Variants in HDAC9 observed in about 807,000 individuals in gnomAD.
HDAC9 encodes MEF-2 interacting transcription repressor (MITR) protein.
In HDAC9, 41 loss-of-function variants were observed where a neutral mutation model predicts 139.4. The observed-to-expected ratio is 0.29, with a 90% CI of 0.23 to 0.38. The LOEUF (loss-of-function observed/expected upper bound fraction) is 0.38. Ranked by LOEUF, HDAC9 falls within the 10% of genes least tolerant of loss-of-function variation. The pLI, the probability that HDAC9 is intolerant of heterozygous loss-of-function variation, is 1.00. For synonymous variants in HDAC9, 517 were observed against 476.2 expected, an observed-to-expected ratio of 1.09 and a Z score of -1.12; for missense variants, 1,147 against 1,297.0, an observed-to-expected ratio of 0.88 and a Z score of 1.78.
At chr7:18,953,427 T>C (rs966085913) in intron 23 of HDAC9, among the ~76,000 whole-genome samples, 1 of 152,102 alleles carries the variant, frequency 6.6e-6, no homozygotes, top group Admixed American at 6.6e-5. Flanking sequence ...CTGTAAATTA[T>C]TTAAAGCTTC....
chr7:18,914,093 CAATT>C (rs1337262587), intron 22 of HDAC9, among the ~76,000 whole-genome samples: 1 of 151,750 alleles, frequency 6.6e-6, no homozygotes, highest in Non-Finnish European at 1.5e-5. Flanking sequence ...TTAGTGCCCT[CAATT>C]AAGAGGCCAT....
chr7:18,556,962 G>A (rs1409534372), intron 2 of HDAC9, among the ~76,000 whole-genome samples: 2 of 152,006 alleles, frequency 1.3e-5, no homozygotes, highest in Non-Finnish European at 2.9e-5. Context: ...TGTATGGCAA[G>A]TTCAGAAACC....
At chr7:18,556,753 G>T (rs1204413385) in intron 2 of HDAC9, among the ~76,000 whole-genome samples, 1 of 152,018 alleles carries the variant, frequency 6.6e-6, no homozygotes, top group Non-Finnish European at 1.5e-5. Flanking sequence ...ACATTTTCAT[G>T]TGTCTGTTAA....
chr7:18,173,165 T>C (rs1788585696), intron 2 of HDAC9, among the ~76,000 whole-genome samples: 1 of 152,254 alleles, frequency 6.6e-6, no homozygotes, highest in East Asian at 1.9e-4. Context: ...TTTAGTATGG[T>C]TAGCTCTTCT....
chr7:18,492,258 G>T (rs567716476), upstream of HDAC9, among the ~76,000 whole-genome samples: 2 of 152,012 alleles, frequency 1.3e-5, no homozygotes, highest in South Asian at 2.1e-4. Flanking sequence ...CAACATTCAG[G>T]ATTATGGCAT....
At chr7:18,167,180 A>G (rs1367806763) in intron 2 of HDAC9, among the ~76,000 whole-genome samples, 1 of 150,060 alleles carries the variant, frequency 6.7e-6, no homozygotes, top group African/African-American at 2.5e-5. Context: ...AAAGTTATTA[A>G]CTATTGTTTT....
intron 21 of HDAC9, 75 bp from the exon 22 acceptor site, chr7:18,874,403 A>G: frequency 1.3e-6 from 1 of 783,958 alleles, no homozygotes; most frequent in Non-Finnish European, 2.2e-6. Context: ...TTGTTGTGCC[A>G]GGTCGTTTTC....
chr7:18,135,883 C>T (rs1785376118), intron 1 of HDAC9, among the ~76,000 whole-genome samples: 2 of 134,226 alleles, frequency 1.5e-5, no homozygotes, highest in Non-Finnish European at 3.0e-5. Context: ...ACCACACTGA[C>T]TTCGACAATG....
chr7:18,636,783 T>C (rs1379007826), intron 8 of HDAC9, among the ~76,000 whole-genome samples: 1 of 152,112 alleles, frequency 6.6e-6, no homozygotes, highest in Non-Finnish European at 1.5e-5. Flanking sequence ...TAGTTGTAGA[T>C]AGCATCTTTT....
At chr7:18,733,459 T>G (rs1019413265) in intron 13 of HDAC9, among the ~76,000 whole-genome samples, 3 of 151,280 alleles carry the variant, frequency 2.0e-5, no homozygotes, top group African/African-American at 7.3e-5. Flanking sequence ...ATTGCTGTCC[T>G]CAAATATATA....
upstream of HDAC9, among the ~76,000 whole-genome samples, chr7:18,495,445 G>A (rs908168494): frequency 3.3e-5 from 5 of 151,958 alleles, no homozygotes; most frequent in Non-Finnish European, 7.4e-5. Context: ...CTTTGGAAGC[G>A]AATCGCCAGT....
intron 6 of HDAC9, among the ~76,000 whole-genome samples, chr7:18,602,716 G>A (rs1188720379): frequency 1.3e-5 from 2 of 151,766 alleles, no homozygotes; most frequent in East Asian, 1.9e-4. Context: ...TTTATTTAGA[G>A]TCATGTTATT....
chr7:18,263,794 T>A (rs981137036), intron 2 of HDAC9, among the ~76,000 whole-genome samples: 4 of 151,888 alleles, frequency 2.6e-5, no homozygotes, highest in African/African-American at 9.7e-5. Context: ...ATTTTTCTGT[T>A]TTTAAGTAGA....
chr7:18,796,808 T>C (rs1792844556), intron 17 of HDAC9, among the ~76,000 whole-genome samples: 1 of 152,186 alleles, frequency 6.6e-6, no homozygotes, highest in African/African-American at 2.4e-5. Flanking sequence ...TTTGTAATCA[T>C]AAATAAAAAA....
At chr7:18,163,397 C>G (rs1479216924) in intron 2 of HDAC9, among the ~76,000 whole-genome samples, 1 of 152,182 alleles carries the variant, frequency 6.6e-6, no homozygotes, top group Non-Finnish European at 1.5e-5. Context: ...AGCTCTGAGT[C>G]TTTATTGCCT....
chr7:18,291,218 C>T (rs1797785408), intron 1 of HDAC9, among the ~76,000 whole-genome samples: 1 of 152,076 alleles, frequency 6.6e-6, no homozygotes, highest in African/African-American at 2.4e-5. Flanking sequence ...AATATTATTA[C>T]ATAAAATTGA....
At chr7:18,185,899 C>T (rs1789873897) in intron 2 of HDAC9, among the ~76,000 whole-genome samples, 1 of 152,140 alleles carries the variant, frequency 6.6e-6, no homozygotes, top group African/African-American at 2.4e-5. Context: ...TGCAAAGTAT[C>T]TTGATCATTC....
intron 2 of HDAC9, among the ~76,000 whole-genome samples, chr7:18,180,226 T>TACACAATACACACACAC (rs1789293829): frequency 8.3e-6 from 1 of 120,612 alleles, no homozygotes; most frequent in Non-Finnish European, 1.7e-5. Flanking sequence ...CCAAGACACA[T>TACACAATACACACACAC]ACACACACAC....
chr7:18,169,635 G>C (rs546739227), intron 2 of HDAC9, among the ~76,000 whole-genome samples: 2 of 151,780 alleles, frequency 1.3e-5, no homozygotes, highest in South Asian at 4.2e-4. Flanking sequence ...GACAGGCCCC[G>C]GTGTGTGATG....
Sources: gnomAD v4.1 joint callset for allele counts (sites outside exome capture counted in the v4.1 genomes callset) on GRCh38, gnomAD v4.1.1 for gene constraint, MANE v1.5 for transcripts, NCBI Gene and HGNC (gene_info 2026-07-23, HGNC 2026-07-21) for gene names.